The following BICD2 variants were observed in gnomAD, a reference collection of about 807,000 sequenced individuals.
The protein encoded by BICD2 is protein bicaudal D homolog 2.
BICD2 carries 25 observed loss-of-function variants against 72.9 expected under a neutral mutation model. That is an observed-to-expected ratio of 0.34 (90% CI 0.25 to 0.48). BICD2 has a LOEUF of 0.48. BICD2 is among the 20% of genes least tolerant of loss of function. BICD2 has a pLI of 0.99. For missense variants in BICD2, 894 were observed against 1,175.2 expected (o/e 0.76, Z 3.50); for synonymous variants, 501 against 516.1 (o/e 0.97, Z 0.40).
At chr9:92,724,831 C>A (rs547156965) in intron 2 of BICD2, among the ~76,000 whole-genome samples, 1 of 152,316 alleles carries the variant, frequency 6.6e-6, no homozygotes, top group Admixed American at 6.5e-5. Context: ...GACTTGGGTA[C>A]CTCTCTGCCA....
chr9:92,720,350 T>C lies in BICD2; in HGVS notation c.1012A>G (p.Ser338Gly), dbSNP rs771991551. 1 of 1,613,860 alleles carries C rather than the reference T, an allele frequency of 6.2e-7. No homozygotes were observed. Among genetic ancestry groups the C allele is most frequent in the Non-Finnish European group, 8.5e-7 (1 of 1,179,990 alleles). ...PSPSLVSDLLSELNISEIQKL... is the reference protein window; with the variant it reads ...PSPSLVSDLLGELNISEIQKL... ...TGGATCTCAGAGATGTTGAGCTCAC[T>C]GAGTAGGTCGGAGACGAGGCTGGGG... is the stretch of plus-strand genomic sequence containing the variant. The change falls in exon 4 of 7, where the codon AGT becomes GGT. Residue 338 changes from serine (S) to glycine (G), a missense_variant. By Grantham distance (56) the Ser-to-Gly change is moderately conservative. Transcript: ENST00000356884. This position sits in a 1 kb window ranked among gnomAD's most constrained non-coding sequence, Gnocchi z 5.4.
At chr9:92,725,310 C>T (rs1210149745) in intron 2 of BICD2, among the ~76,000 whole-genome samples, 1 of 152,242 alleles carries the variant, frequency 6.6e-6, no homozygotes, top group Non-Finnish European at 1.5e-5. Context: ...AGGTCAAATG[C>T]TGGCCTGGCC....
rs776882493 is a variant in BICD2 at position 92,715,149 on chromosome 9, A to G, written c.*5T>C. 3.2e-6 allele frequency: 5 copies of G among 1,567,322 alleles called. No individual in the cohort carries two copies. In the African/African-American group the frequency reaches 5.4e-5, roughly 17 times the overall value. On this transcript the variant is annotated 3_prime_UTR_variant, in exon 7 of 7. Coordinates refer to ENST00000356884, the MANE Select transcript of BICD2 (RefSeq NM_001003800.2). Reference sequence around the variant, plus strand: ...TTAGCTGCAGCGTGCGGCGCCCCACAGCCCCTAATCACAGTAAATGCTGTG... The same window carrying G: ...TTAGCTGCAGCGTGCGGCGCCCCACGGCCCCTAATCACAGTAAATGCTGTG...
intron 1 of BICD2, among the ~76,000 whole-genome samples, chr9:92,757,932 G>A (rs1854294295): frequency 1.3e-5 from 2 of 151,892 alleles, no homozygotes; most frequent in Admixed American, 6.6e-5. Context: ...GGCTGGGCGC[G>A]GTGGCTCACG....
chr9:92,728,227 C>T (rs553503483), intron 2 of BICD2, among the ~76,000 whole-genome samples: 5 of 152,370 alleles, frequency 3.3e-5, no homozygotes, highest in African/African-American at 7.2e-5. Context: ...TCCTCCACAA[C>T]TCCAGGGCCT....
At position 92,718,814 on chromosome 9, in the gene BICD2, A is replaced by G. The variant is rs539815304; in HGVS notation, c.1831T>C (p.Ser611Pro). The G allele has an allele frequency of 1.2e-6, 2 of 1,612,932 alleles. No homozygotes were observed. The highest frequency in any genetic ancestry group is 2.2e-5 in the South Asian group (2 of 91,056). ...TCACTCAGGGGTGATGGCAGTGAGG[A>G]GCCAGGCGAGGGGCTGCTGTCCCCC... ...GTGDSSPSPG[S>P]SLPSPLSDPR... is the part of the protein sequence containing the mutation. The change falls in exon 5 of 7, where the codon TCC becomes CCC. Residue 611 changes from serine to proline, a missense_variant. Coordinates refer to ENST00000356884, the MANE Select transcript of BICD2 (RefSeq NM_001003800.2).
chr9:92,717,871 C>T lies in BICD2; in HGVS notation c.2184G>A (p.Lys728=), dbSNP rs771619173. The T allele has an allele frequency of 6.2e-7, 1 of 1,613,320 alleles. No homozygotes were observed. The highest frequency in any genetic ancestry group is 1.1e-5 in the South Asian group (1 of 91,042). ...EKAMVTETMM[K]LRNELKALKE... ...TGAGGGCCTTGAGCTCATTGCGCAG[C>T]TTCATCATGGTCTCGGTAACCATGG... The change falls in exon 6 of 7, where the codon AAG becomes AAA. Residue 728 remains lysine, a synonymous_variant. Transcript: ENST00000356884.
In BICD2 at chr9:92,764,662, C is replaced by A; in HGVS notation, c.83G>T (p.Arg28Leu). Reference protein sequence around the residue: ...QPEWLRAEVKRLSHELAETTR... With the variant: ...QPEWLRAEVKLLSHELAETTR... ...GGTCTCGGCCAGCTCGTGGGACAGC[C>A]GCTTCACCTCGGCGCGCAGCCACTC... The change falls in exon 1 of 7, where the codon CGG (arginine) becomes CTG (leucine). Residue 28 changes from arginine (R) to leucine (L), a missense_variant. Transcript: ENST00000356884. This position sits in a 1 kb window ranked among gnomAD's most constrained non-coding sequence, Gnocchi z 5.5. 1 of 1,590,728 alleles carries A rather than the reference C, an allele frequency of 6.3e-7. No individual in the cohort carries two copies. Among genetic ancestry groups the A allele is most frequent in the Non-Finnish European group, 8.5e-7 (1 of 1,171,648 alleles).
intron 1 of BICD2, among the ~76,000 whole-genome samples, chr9:92,756,992 C>T (rs774709851): frequency 6.6e-5 from 10 of 152,108 alleles, no homozygotes; most frequent in Non-Finnish European, 1.2e-4. Flanking sequence ...GGGCTAATGC[C>T]AGTGCAGTAT....
At chr9:92,753,899 C>A (rs1045074943) in intron 1 of BICD2, among the ~76,000 whole-genome samples, 2 of 151,584 alleles carry the variant, frequency 1.3e-5, no homozygotes, top group African/African-American at 4.8e-5. Flanking sequence ...AATTCCAGCA[C>A]CTTGGGAGGC....
rs373931118 is a variant in BICD2, at chr9:92,720,784, C to T, written c.607-29G>A. 7.7e-4 allele frequency: 1,229 copies of T among 1,601,262 alleles called. 2 individuals are homozygous for T. The highest frequency in any genetic ancestry group is 9.9e-4 in the Non-Finnish European group (1,164 of 1,172,334). ...GGAAGAGAAGTCAACGCTCTTGCAT[C>T]AATGCAATGTGGAAGCTCCTTTCAG... On this transcript the variant is annotated intron_variant, in intron 3 of 6. Coordinates refer to ENST00000356884, the MANE Select transcript of BICD2 (RefSeq NM_001003800.2). This position sits in a 1 kb window ranked among gnomAD's most constrained non-coding sequence, Gnocchi z 5.4.
chr9:92,729,338 C>A, intron 1 of BICD2, 102 bp from the exon 2 acceptor site: 4 of 1,256,774 alleles, frequency 3.2e-6, no homozygotes, highest in South Asian at 1.4e-5. Context: ...ACAACAGCAA[C>A]AACAACGGGG....
chr9:92,748,193 CCT>C (rs1327287517), intron 1 of BICD2, among the ~76,000 whole-genome samples: 3 of 152,234 alleles, frequency 2.0e-5, no homozygotes, highest in African/African-American at 4.8e-5. Flanking sequence ...CAGGCTTGCC[CCT>C]GTCCTGGGTC....
In BICD2 at chr9:92,764,747, T is replaced by C; in HGVS notation, c.-3A>G. The C allele has an allele frequency of 6.4e-7, 1 of 1,560,906 alleles. No individual in the cohort carries two copies. Among genetic ancestry groups the C allele is most frequent in the South Asian group, 1.2e-5 (1 of 85,760 alleles). The stretch of plus-strand genomic sequence containing the variant: ...TCCTCCTCCGACGGCGCCGACATGG[T>C]GGCCGAGGGCTGAGCCGGCTCCCAC... On this transcript the variant is annotated 5_prime_UTR_variant, in exon 1 of 7. Transcript: ENST00000356884. The surrounding 1 kb of genome is among the most constrained non-coding windows in gnomAD (Gnocchi z 5.5).
At chr9:92,742,924 G>A (rs559634074) in intron 1 of BICD2, among the ~76,000 whole-genome samples, 36 of 152,228 alleles carry the variant, frequency 2.4e-4, no homozygotes, top group South Asian at 1.2e-3. Context: ...ATATTCCATT[G>A]TATGAACAGA....
At chr9:92,751,224 C>T (rs1366284824) in intron 1 of BICD2, among the ~76,000 whole-genome samples, 2 of 152,074 alleles carry the variant, frequency 1.3e-5, no homozygotes, top group African/African-American at 4.8e-5. Flanking sequence ...AATCTCGGCT[C>T]ACTGCAACCT....
intron 1 of BICD2, among the ~76,000 whole-genome samples, chr9:92,733,220 G>C (rs1240015981): frequency 2.0e-5 from 3 of 152,120 alleles, no homozygotes; most frequent in African/African-American, 7.2e-5. Context: ...TTTGGCAAGG[G>C]TACAAAAATA....
rs1397131027 is a variant in BICD2 at position 92,720,766 on chromosome 9, A to G, written c.607-11T>C. On this transcript the variant is annotated splice_polypyrimidine_tract_variant and intron_variant, in intron 3 of 6. Transcript: ENST00000356884. This position sits in a 1 kb window ranked among gnomAD's most constrained non-coding sequence, Gnocchi z 5.4. ...GCCCTCAAACTCCACCTGGGAAGAG[A>G]AGTCAACGCTCTTGCATCAATGCAA... 1 of 1,611,470 alleles carries G rather than the reference A, an allele frequency of 6.2e-7. No homozygotes were observed. The highest frequency in any genetic ancestry group is 1.3e-5 in the African/African-American group (1 of 74,730).
intron 1 of BICD2, among the ~76,000 whole-genome samples, chr9:92,760,587 A>G (rs542806712): frequency 4.6e-5 from 7 of 152,270 alleles, no homozygotes; most frequent in Admixed American, 2.0e-4. Context: ...AAGTGGGGAA[A>G]GAGAGGCCCA....
Sources: allele counts gnomAD v4.1 joint callset (sites outside exome capture counted in the v4.1 genomes callset), GRCh38; gene constraint gnomAD v4.1.1; non-coding constraint Gnocchi (gnomAD v3.1); transcripts MANE v1.5; gene names NCBI Gene and HGNC (gene_info 2026-07-23, HGNC 2026-07-21).